PCDHGB1: variants seen among roughly 807,000 people sequenced by gnomAD.
PCDHGB1 encodes the protein protocadherin gamma subfamily B, 1, also known as protocadherin gamma-B1.
In PCDHGB1, 34 loss-of-function variants were observed where a neutral mutation model predicts 56.6. That is an observed-to-expected ratio of 0.60 (90% CI 0.46 to 0.80). PCDHGB1 has a LOEUF of 0.80. Ranked by LOEUF, PCDHGB1 falls within the 30% of genes least tolerant of loss-of-function variation. The pLI is 0.00. For synonymous variants in PCDHGB1, 561 were observed against 505.9 expected (o/e 1.11, Z -1.46); for missense variants, 1,278 against 1,204.6 (o/e 1.06, Z -0.90).
At position 141,487,289 on chromosome 5, in the gene PCDHGB1, G is replaced by T; in HGVS notation, c.2410-7518G>T. 6.2e-7 allele frequency: 1 copy of T among 1,614,096 alleles called. No individual in the cohort carries two copies. The highest frequency in any genetic ancestry group is 8.5e-7 in the Non-Finnish European group (1 of 1,180,024). On this transcript the variant is annotated intron_variant, in intron 1 of 3. Coordinates refer to ENST00000523390, the MANE Select transcript of PCDHGB1 (RefSeq NM_018922.3). The surrounding 1 kb of genome is among the most constrained non-coding windows in gnomAD (Gnocchi z 5.0). Reference sequence around the variant, plus strand: ...AGTGGCAATTTGCTTTGTCTCCTTTGGCTCATTCGTGGCACTACTCTCTAA... The same window carrying T: ...AGTGGCAATTTGCTTTGTCTCCTTTTGCTCATTCGTGGCACTACTCTCTAA...
chr5:141,409,561 C>T (rs1296401858), intron 1 of PCDHGB1: 4 of 1,613,986 alleles, frequency 2.5e-6, no homozygotes, highest in Non-Finnish European at 3.4e-6. Context: ...CAGTTTTCGA[C>T]CAGACGTCCT....
chr5:141,371,116 T>C, intron 1 of PCDHGB1: 1 of 1,613,914 alleles, frequency 6.2e-7, no homozygotes, highest in Non-Finnish European at 8.5e-7. Context: ...AACCCCCCAG[T>C]ATTTACTCAG....
At chr5:141,385,027 G>T (rs1487991378) in intron 1 of PCDHGB1, 3 of 1,614,036 alleles carry the variant, frequency 1.9e-6, no homozygotes, top group East Asian at 2.2e-5. Context: ...CTTCGTCCTC[G>T]TACTGCTGGC....
Position 141,389,968 on chromosome 5 carries a change from C to A in PCDHGB1, c.2409+37299C>A, listed in dbSNP as rs898974383. ...CAGTTTTACCTAGTGGTGGCCTTGG[C>A]CTTGATCTCAGTGCTCTTCCTCGTG... is the stretch of plus-strand genomic sequence containing the variant. On this transcript the variant is annotated intron_variant, in intron 1 of 3. Coordinates refer to ENST00000523390, the MANE Select transcript of PCDHGB1 (RefSeq NM_018922.3). 3 of 1,613,908 alleles carry A rather than the reference C, an allele frequency of 1.9e-6. No homozygotes were observed. The highest frequency in any genetic ancestry group is 2.5e-6 in the Non-Finnish European group (3 of 1,179,892).
Position 141,405,333 on chromosome 5 carries a change from C to T in PCDHGB1, c.2409+52664C>T, listed in dbSNP as rs1253133454. 29 of 1,614,086 alleles carry T rather than the reference C, an allele frequency of 1.8e-5. No homozygotes were observed. Among genetic ancestry groups the T allele is most frequent in the Non-Finnish European group, 2.5e-5 (29 of 1,180,034 alleles). ...GAGAAAAATGAGCCTTTGTGCGTCT[C>T]TGTTGATTCCAAGTTTCCTATAGAA... On this transcript the variant is annotated intron_variant, in intron 1 of 3. Coordinates refer to ENST00000523390, the MANE Select transcript of PCDHGB1 (RefSeq NM_018922.3).
chr5:141,387,871 G>A (rs1275687057), intron 1 of PCDHGB1: 4 of 1,589,520 alleles, frequency 2.5e-6, no homozygotes, highest in Admixed American at 1.8e-5. Context: ...AGCAAGCTGA[G>A]GAGAGCAAGA....
rs551396089 is a variant in PCDHGB1, at chr5:141,423,798, A to T, written c.2410-71009A>T. On this transcript the variant is annotated intron_variant, in intron 1 of 3. Coordinates refer to ENST00000523390, the MANE Select transcript of PCDHGB1 (RefSeq NM_018922.3). ...TATTTAGTTCATATATATTTAGAGC[A>T]ATACATGTGAGTTTTACTTTGCCTT... is the stretch of plus-strand genomic sequence containing the variant. 3.3e-6 allele frequency: 4 copies of T among 1,222,280 alleles called. No homozygotes were observed. The South Asian group carries it at 1.1e-4, about 33-fold the overall frequency. 75.7% of individuals were successfully genotyped at this position (1,222,280 alleles called of 1,614,324 possible). A position where few individuals can be genotyped will look rare whatever the true frequency, so the allele number is the denominator to read the frequency against.
intron 1 of PCDHGB1, chr5:141,395,370 G>A (rs377682598): frequency 1.7e-6 from 2 of 1,207,198 alleles, no homozygotes; most frequent in South Asian, 1.7e-5. Flanking sequence ...GTTTATTTTG[G>A]TGGTGTTACT....
In PCDHGB1 at chr5:141,352,432, A is replaced by G. The variant is rs1459496210; in HGVS notation, c.2172A>G (p.Gln724=). The G allele has an allele frequency of 1.9e-6, 3 of 1,613,946 alleles. No homozygotes were observed. In the South Asian group the frequency reaches 3.3e-5, roughly 18 times the overall value. ...GCCTCGACACTGAGGGCTGCTTTCA[A>G]ACCGGTCTCTGCTCCAAGTCTGGGC... is the stretch of plus-strand genomic sequence containing the variant. ...SSSLDTEGCF[Q]TGLCSKSGPG... Residue 724 remains glutamine (Q), a synonymous_variant, in exon 1 of 4, where the codon CAA becomes CAG. Transcript: ENST00000523390.
chr5:141,419,151 C>G, intron 1 of PCDHGB1: 3 of 1,613,918 alleles, frequency 1.9e-6, no homozygotes, highest in Non-Finnish European at 1.7e-6. Flanking sequence ...GGCAAGCCTC[C>G]GTTATCCTCC....
chr5:141,439,190 CA>C (rs200519543), intron 1 of PCDHGB1, among the ~76,000 whole-genome samples: 2,445 of 111,432 alleles, frequency 0.022, 39 homozygotes, highest in African/African-American at 0.057. Flanking sequence ...GAGACTCTGA[CA>C]AAAAAAAAAA....
intron 1 of PCDHGB1, among the ~76,000 whole-genome samples, chr5:141,463,966 A>C (rs923614502): frequency 4.6e-5 from 7 of 152,196 alleles, no homozygotes; most frequent in African/African-American, 1.7e-4. Context: ...AAATAGCTTC[A>C]TAAAACTCCA....
At chr5:141,370,466 G>A in intron 1 of PCDHGB1, 1 of 1,613,220 alleles carries the variant, frequency 6.2e-7, no homozygotes, top group Non-Finnish European at 8.5e-7. Flanking sequence ...TGCTCTCTTT[G>A]TTAGACCAGG....
chr5:141,509,155 C>G (rs981661695), intron 3 of PCDHGB1, among the ~76,000 whole-genome samples: 3 of 152,202 alleles, frequency 2.0e-5, no homozygotes, highest in Non-Finnish European at 4.4e-5. Flanking sequence ...GCTCTCCCCT[C>G]CCGTGTGCCC....
At position 141,361,919 on chromosome 5, in the gene PCDHGB1, A is replaced by T. The variant is rs947072299; in HGVS notation, c.2409+9250A>T. The T allele has an allele frequency of 6.0e-5, 97 of 1,607,890 alleles. No individual in the cohort carries two copies. Among genetic ancestry groups the T allele is most frequent in the Non-Finnish European group, 7.7e-5 (91 of 1,179,054 alleles). On this transcript the variant is annotated intron_variant, in intron 1 of 3. Transcript: ENST00000523390. ...CTGGTGACCAAGGTGGTGGCGGTGGACGCAGACTCAGGACACAACGCTTGG... is the reference window on the plus strand; with the variant it reads ...CTGGTGACCAAGGTGGTGGCGGTGGTCGCAGACTCAGGACACAACGCTTGG...
At position 141,431,337 on chromosome 5, in the gene PCDHGB1, A is replaced by C. The variant is rs1412811147; in HGVS notation, c.2410-63470A>C. On this transcript the variant is annotated intron_variant, in intron 1 of 3. Coordinates refer to ENST00000523390, the MANE Select transcript of PCDHGB1 (RefSeq NM_018922.3). The surrounding 1 kb of genome is among the most constrained non-coding windows in gnomAD (Gnocchi z 4.8). ...GGAGCCGACGGTAGTAAGTACCCCG[A>C]ATTGGTGCTGAAACGCGCCCTGGAC... 6.2e-7 allele frequency: 1 copy of C among 1,613,926 alleles called. No homozygotes were observed. The highest frequency in any genetic ancestry group is 1.7e-5 in the Admixed American group (1 of 60,006).
chr5:141,388,936 C>A, intron 1 of PCDHGB1: 4 of 1,613,926 alleles, frequency 2.5e-6, no homozygotes, highest in Non-Finnish European at 3.4e-6. Context: ...CAGTCTCTAC[C>A]CAACCTAATT....
chr5:141,427,626 C>T, intron 1 of PCDHGB1: 1 of 699,934 alleles, frequency 1.4e-6, no homozygotes, highest in Non-Finnish European at 2.6e-6. Flanking sequence ...CGACAATGCT[C>T]CGGTTTTCCA....
Position 141,350,398 on chromosome 5 carries a change from G to T in PCDHGB1, c.138G>T (p.Gly46=), listed in dbSNP as rs1056572833. ...AGCTAGCCAACGGCTCACGGGTGGG[G>T]AAACTTGCCAAGGATCTGGGGCTCA... ...PEELANGSRV[G]KLAKDLGLSV... is the part of the protein sequence containing the mutation. Residue 46 remains glycine (G), a synonymous_variant, in exon 1 of 4, where the codon GGG becomes GGT. Transcript: ENST00000523390. 16 of 1,599,976 alleles carry T rather than the reference G, an allele frequency of 1.0e-5. No individual in the cohort carries two copies. In the Admixed American group the frequency reaches 1.9e-4, roughly 19 times the overall value.
Sources: allele counts gnomAD v4.1 joint callset (sites outside exome capture counted in the v4.1 genomes callset), GRCh38; gene constraint gnomAD v4.1.1; non-coding constraint Gnocchi (gnomAD v3.1); transcripts MANE v1.5; gene names NCBI Gene and HGNC (gene_info 2026-07-23, HGNC 2026-07-21).